Variants in CNTN5 observed in about 807,000 individuals in gnomAD.
CNTN5 encodes contactin 5.
Under a neutral mutation model 129.1 loss-of-function variants are expected in CNTN5, and 77 were observed. The ratio of observed to expected loss-of-function variants is 0.60; its 90% CI spans 0.50 to 0.72. CNTN5 has a LOEUF of 0.72. Among genes scored for constraint, CNTN5 ranks in the 30% least tolerant of loss-of-function variants. The pLI, the probability that CNTN5 is intolerant of heterozygous loss-of-function variation, is 0.00. For synonymous variants in CNTN5, 509 were observed against 465.6 expected (o/e 1.09, Z -1.20); for missense variants, 1,478 against 1,328.8 (o/e 1.11, Z -1.75).
chr11:99,926,071 A>G (rs1177555997), intron 7 of CNTN5, among the ~76,000 whole-genome samples: 1 of 152,140 alleles, frequency 6.6e-6, no homozygotes, highest in Admixed American at 6.6e-5. Flanking sequence ...CAGAATTAAG[A>G]GGTAGTTTAT....
intron 6 of CNTN5, among the ~76,000 whole-genome samples, chr11:99,855,506 C>T (rs747334470): frequency 1.4e-4 from 21 of 151,992 alleles, no homozygotes; most frequent in Admixed American, 2.6e-4. Context: ...TGATTTTGGC[C>T]ATAACAGGAA....
intron 1 of CNTN5, among the ~76,000 whole-genome samples, chr11:99,025,110 C>T (rs1001681692): frequency 5.9e-5 from 9 of 151,946 alleles, no homozygotes; most frequent in South Asian, 2.1e-4. Context: ...ACAGATCCGA[C>T]AGGACTCACC....
chr11:99,819,627 G>T lies in CNTN5; in HGVS notation c.139G>T (p.Gly47Cys). 6.2e-7 allele frequency: 1 copy of T among 1,613,012 alleles called. No homozygotes were observed. The highest frequency in any genetic ancestry group is 8.5e-7 in the Non-Finnish European group (1 of 1,179,812). The stretch of plus-strand genomic sequence containing the variant: ...GAAGAGTTCATCTTCATCTCTCTTT[G>T]GTTCCAAAACCAGACCACGATACAG... Reference protein sequence around the residue: ...IKKSSSSSLFGSKTRPRYSSP... With the variant: ...IKKSSSSSLFCSKTRPRYSSP... The change falls in exon 4 of 25, where the codon GGT (glycine) becomes TGT (cysteine). Residue 47 changes from glycine (G) to cysteine (C), a missense_variant. Physicochemically the swap from Gly to Cys is radical, Grantham distance 159 (BLOSUM62 -3). Transcript: ENST00000524871.
At chr11:99,395,371 A>C (rs568800894) in intron 2 of CNTN5, among the ~76,000 whole-genome samples, 108 of 151,602 alleles carry the variant, frequency 7.1e-4, no homozygotes, top group African/African-American at 2.4e-3. Flanking sequence ...TCCTTTACTC[A>C]TTTTTGAATG....
intron 2 of CNTN5, among the ~76,000 whole-genome samples, chr11:99,363,003 G>A (rs373721946): frequency 1.3e-5 from 2 of 151,828 alleles, no homozygotes; most frequent in Non-Finnish European, 2.9e-5. Context: ...ATTCAAAGCC[G>A]CTTGAGATTC....
intron 9 of CNTN5, among the ~76,000 whole-genome samples, chr11:100,041,638 G>A (rs1279296141): frequency 6.6e-6 from 1 of 152,212 alleles, no homozygotes; most frequent in Non-Finnish European, 1.5e-5. Context: ...TGTGAGAAAG[G>A]AAGGCAGCCA....
intron 23 of CNTN5, 148 bp downstream of exon 23, chr11:100,341,353 C>G: frequency 1.6e-6 from 1 of 632,088 alleles, no homozygotes; most frequent in Non-Finnish European, 2.8e-6. Flanking sequence ...GATAGCCTTC[C>G]TATAGATAGA....
At chr11:99,964,696 C>T (rs1055285283) in intron 8 of CNTN5, among the ~76,000 whole-genome samples, 5 of 152,154 alleles carry the variant, frequency 3.3e-5, no homozygotes, top group Admixed American at 2.6e-4. Context: ...GGAGGATTCC[C>T]TCTTTTTCTA....
At chr11:99,319,010 G>A (rs749213492) in intron 1 of CNTN5, among the ~76,000 whole-genome samples, 35 of 152,222 alleles carry the variant, frequency 2.3e-4, no homozygotes, top group Middle Eastern at 3.4e-3. Flanking sequence ...TTATAGAAAA[G>A]GTGAATTGGA....
chr11:99,913,580 G>T (rs1002403115), intron 6 of CNTN5, among the ~76,000 whole-genome samples: 1 of 151,962 alleles, frequency 6.6e-6, no homozygotes, highest in East Asian at 1.9e-4. Flanking sequence ...ATTAAAAGCT[G>T]GTACAAAATA....
At chr11:100,082,648 A>C (rs2137939150) in intron 13 of CNTN5, among the ~76,000 whole-genome samples, 1 of 152,246 alleles carries the variant, frequency 6.6e-6, no homozygotes, top group African/African-American at 2.4e-5. Flanking sequence ...ATGATAAAAT[A>C]ATGGTATATT....
chr11:99,805,837 A>C (rs1946252310), intron 3 of CNTN5, among the ~76,000 whole-genome samples: 1 of 152,204 alleles, frequency 6.6e-6, no homozygotes, highest in Admixed American at 6.5e-5. Flanking sequence ...CTAAAAGGAG[A>C]GGAAAAATGT....
At chr11:100,090,877 C>T (rs1017148449) in intron 13 of CNTN5, among the ~76,000 whole-genome samples, 6 of 151,994 alleles carry the variant, frequency 3.9e-5, no homozygotes, top group African/African-American at 1.4e-4. Context: ...CATCACTTTA[C>T]CCCAATAGCC....
At chr11:99,264,322 T>A (rs1467400450) in intron 1 of CNTN5, among the ~76,000 whole-genome samples, 2 of 151,982 alleles carry the variant, frequency 1.3e-5, no homozygotes, top group Admixed American at 1.3e-4. Flanking sequence ...TACCCCTTTT[T>A]TGCACTTAAT....
intron 3 of CNTN5, among the ~76,000 whole-genome samples, chr11:99,598,279 CTTT>C (rs1433671300): frequency 1.7e-3 from 9 of 5,454 alleles, no homozygotes; most frequent in Non-Finnish European, 2.3e-3. Flanking sequence ...CTTTTCTTTT[CTTT>C]TCTTTTCTTT....
Position 99,067,370 on chromosome 11 carries a change from T to G in CNTN5, c.-210+46100T>G, listed in dbSNP as rs186109202. 2.8e-3 allele frequency among the ~76,000 whole-genome samples: 425 copies of G among 152,022 alleles called. 1 individual carries two copies. Among genetic ancestry groups the G allele is most frequent in the African/African-American group, 9.9e-3 (412 of 41,464 alleles). On this transcript the variant is annotated intron_variant, in intron 1 of 24. Coordinates refer to ENST00000524871, the MANE Select transcript of CNTN5 (RefSeq NM_014361.4). ...GCTATTGTTCTCCTAAAATAAATAT[T>G]GGCAGTTCTGCCAATGGAGACATGT...
intron 2 of CNTN5, among the ~76,000 whole-genome samples, chr11:99,406,983 G>A (rs748157212): frequency 1.3e-5 from 2 of 151,540 alleles, no homozygotes; most frequent in Non-Finnish European, 2.9e-5. Context: ...GTCCAAAAAT[G>A]CCATCCAATA....
At chr11:100,321,414 A>T (rs369396963) in intron 21 of CNTN5, among the ~76,000 whole-genome samples, 18 of 151,326 alleles carry the variant, frequency 1.2e-4, no homozygotes, top group Non-Finnish European at 2.2e-4. Context: ...TTATCTTGTA[A>T]TTTTCATGAA....
chr11:100,227,620 T>C (rs1949406114), intron 16 of CNTN5, among the ~76,000 whole-genome samples: 1 of 152,134 alleles, frequency 6.6e-6, no homozygotes. Context: ...TAATATTCAG[T>C]GAACCAGCAT....
Sources: gnomAD v4.1 joint callset for allele counts (sites outside exome capture counted in the v4.1 genomes callset) on GRCh38, gnomAD v4.1.1 for gene constraint, MANE v1.5 for transcripts, NCBI Gene and HGNC (gene_info 2026-07-23, HGNC 2026-07-21) for gene names.